The following CMTM8 variants were observed in gnomAD, a reference collection of about 807,000 sequenced individuals.
CMTM8 encodes the protein CKLF-like MARVEL transmembrane domain-containing protein 8.
CMTM8 carries 12 observed loss-of-function variants against 18.6 expected under a neutral mutation model. The ratio of observed to expected loss-of-function variants is 0.65; its 90% CI spans 0.41 to 1.05. The LOEUF is 1.05. Among genes scored for constraint, CMTM8 ranks in the 50% least tolerant of loss-of-function variants. CMTM8 has a pLI of 0.00. For synonymous variants in CMTM8, 87 were observed against 90.6 expected, an observed-to-expected ratio of 0.96 and a Z score of 0.23; for missense variants, 217 against 227.2, an observed-to-expected ratio of 0.95 and a Z score of 0.29.
intron 1 of CMTM8, among the ~76,000 whole-genome samples, chr3:32,353,413 G>T (rs1180929221): frequency 1.3e-5 from 2 of 152,160 alleles, no homozygotes; most frequent in Non-Finnish European, 2.9e-5. Flanking sequence ...AAAGGCATAG[G>T]TTATAAAAAT....
At chr3:32,334,201 C>T (rs1463415240) in intron 1 of CMTM8, among the ~76,000 whole-genome samples, 1 of 151,766 alleles carries the variant, frequency 6.6e-6, no homozygotes, top group Non-Finnish European at 1.5e-5. Flanking sequence ...TGGTCTCAAA[C>T]TCCTGGCCTC....
chr3:32,247,713 G>T (rs1377540719), intron 1 of CMTM8, among the ~76,000 whole-genome samples: 1 of 152,142 alleles, frequency 6.6e-6, no homozygotes. Context: ...CATCCATCTA[G>T]GCCTCCCAAA....
chr3:32,274,864 G>A (rs922345871), intron 1 of CMTM8, among the ~76,000 whole-genome samples: 1 of 152,172 alleles, frequency 6.6e-6, no homozygotes, highest in East Asian at 1.9e-4. Context: ...AATTATGTGT[G>A]TGTGGTGTTT....
intron 1 of CMTM8, among the ~76,000 whole-genome samples, chr3:32,331,530 A>G (rs1559381814): frequency 1.3e-5 from 2 of 150,892 alleles, no homozygotes; most frequent in Non-Finnish European, 2.9e-5. Flanking sequence ...TAAAAAAAAA[A>G]CAATGAACAA....
At chr3:32,240,961 A>T (rs1402528575) in intron 1 of CMTM8, among the ~76,000 whole-genome samples, 2 of 151,450 alleles carry the variant, frequency 1.3e-5, no homozygotes, top group South Asian at 4.2e-4. Context: ...ATAATTTTTA[A>T]TTTTTTTCTA....
At chr3:32,294,539 T>C (rs1164125156) in intron 1 of CMTM8, among the ~76,000 whole-genome samples, 2 of 152,168 alleles carry the variant, frequency 1.3e-5, no homozygotes, top group Non-Finnish European at 2.9e-5. Flanking sequence ...TACCACTTAC[T>C]ATCTCTGGAT....
chr3:32,277,527 C>T (rs1363050215), intron 1 of CMTM8, among the ~76,000 whole-genome samples: 3 of 152,034 alleles, frequency 2.0e-5, no homozygotes, highest in African/African-American at 7.2e-5. Context: ...TGTGTGCCAC[C>T]ACATCTGGCT....
chr3:32,361,286 G>GTTTTTTTTTTGTTTTTTTTTTTTTTTTT lies in CMTM8; in HGVS notation c.321+3749_321+3750insTGTTTTTTTTTTTTTTTTTTTTTTTTTT, dbSNP rs58364646. ...GTGAGCCACGGCGCCCAGCCTAAGA[G>GTTTTTTTTTTGTTTTTTTTTTTTTTTTT]TTTTTTTTTCTTTCAAATTTTGGAA... On this transcript the variant is annotated intron_variant, in intron 2 of 3. Coordinates refer to ENST00000307526, the MANE Select transcript of CMTM8 (RefSeq NM_178868.5). 2.3e-5 allele frequency among the ~76,000 whole-genome samples: 2 copies of GTTTTTTTTTTGTTTTTTTTTTTTTTTTT among 87,230 alleles called. 1 individual carries two copies. The allele number at this position is 87,230 out of a possible 152,430, so 57.2% of individuals were successfully genotyped here. A position where few individuals can be genotyped will look rare whatever the true frequency, so the allele number is the denominator to read the frequency against.
chr3:32,282,371 C>T (rs1702620380), intron 1 of CMTM8, among the ~76,000 whole-genome samples: 1 of 151,870 alleles, frequency 6.6e-6, no homozygotes, highest in Non-Finnish European at 1.5e-5. Context: ...ATCCAAGCAA[C>T]CATAAAATAA....
At chr3:32,266,667 C>T (rs1454703669) in intron 1 of CMTM8, among the ~76,000 whole-genome samples, 3 of 152,026 alleles carry the variant, frequency 2.0e-5, no homozygotes, top group Non-Finnish European at 2.9e-5. Context: ...TCAAATTGTC[C>T]CTGTTTGCAG....
intron 1 of CMTM8, among the ~76,000 whole-genome samples, chr3:32,330,486 A>G (rs996598804): frequency 9.9e-5 from 15 of 152,162 alleles, no homozygotes; most frequent in Non-Finnish European, 1.3e-4. Context: ...CTTTTAAAAA[A>G]TATGTATATG....
At chr3:32,290,212 A>T (rs1207908650) in intron 1 of CMTM8, among the ~76,000 whole-genome samples, 2 of 152,244 alleles carry the variant, frequency 1.3e-5, no homozygotes, top group Non-Finnish European at 2.9e-5. Flanking sequence ...GTTCAGCATG[A>T]TTGCTTAATA....
At chr3:32,302,756 C>T (rs1333415679) in intron 1 of CMTM8, among the ~76,000 whole-genome samples, 4 of 152,184 alleles carry the variant, frequency 2.6e-5, no homozygotes, top group Non-Finnish European at 4.4e-5. Flanking sequence ...TAAGGTCCCT[C>T]TCCTTGGAAA....
At chr3:32,268,533 T>A (rs1702385537) in intron 1 of CMTM8, among the ~76,000 whole-genome samples, 1 of 151,618 alleles carries the variant, frequency 6.6e-6, no homozygotes, top group South Asian at 2.1e-4. Flanking sequence ...ACATGGCACA[T>A]GTATACATAT....
chr3:32,351,764 G>A (rs1696714375), intron 1 of CMTM8, among the ~76,000 whole-genome samples: 1 of 151,872 alleles, frequency 6.6e-6, no homozygotes, highest in African/African-American at 2.4e-5. Flanking sequence ...AAGACTCTAT[G>A]ACTTTGAAAA....
Position 32,358,622 on chromosome 3 carries a change from T to G in CMTM8, c.321+1076T>G, listed in dbSNP as rs1696863009. 6.6e-6 allele frequency among the ~76,000 whole-genome samples: 1 copy of G among 152,214 alleles called. No homozygotes were observed. Among genetic ancestry groups the G allele is most frequent in the African/African-American group, 2.4e-5 (1 of 41,450 alleles). The stretch of plus-strand genomic sequence containing the variant: ...AACGCACCTGGCTTTGTTCTTTCTG[T>G]GTTGCTAAGCTAAGTCCCCCAGGAA... On this transcript the variant is annotated intron_variant, in intron 2 of 3. Transcript: ENST00000307526. The surrounding 1 kb of genome is among the most constrained non-coding windows in gnomAD (Gnocchi z 4.1).
intron 1 of CMTM8, among the ~76,000 whole-genome samples, chr3:32,323,465 C>T (rs1457084698): frequency 1.3e-5 from 2 of 152,014 alleles, no homozygotes; most frequent in East Asian, 3.9e-4. Flanking sequence ...CAGATTTTGG[C>T]TCTCATACTT....
intron 1 of CMTM8, among the ~76,000 whole-genome samples, chr3:32,352,894 A>G (rs562507210): frequency 1.3e-5 from 2 of 150,690 alleles, no homozygotes; most frequent in South Asian, 4.2e-4. Flanking sequence ...TTTTTTAATC[A>G]GGTTTTTAGC....
At chr3:32,280,424 A>T (rs1186116668) in intron 1 of CMTM8, among the ~76,000 whole-genome samples, 1 of 152,224 alleles carries the variant, frequency 6.6e-6, no homozygotes, top group Middle Eastern at 3.4e-3. Context: ...TTATTTGCAT[A>T]GGGGTATAAC....
Sources: allele counts gnomAD v4.1 joint callset (sites outside exome capture counted in the v4.1 genomes callset), GRCh38; gene constraint gnomAD v4.1.1; non-coding constraint Gnocchi (gnomAD v3.1); transcripts MANE v1.5; gene names NCBI Gene and HGNC (gene_info 2026-07-23, HGNC 2026-07-21).